Variants in SLC12A8 observed in about 807,000 individuals in gnomAD.
The protein encoded by SLC12A8 is solute carrier family 12 member 8.
Under a neutral mutation model 75.6 loss-of-function variants are expected in SLC12A8, and 69 were observed. The ratio of observed to expected loss-of-function variants is 0.91; its 90% CI spans 0.75 to 1.11. SLC12A8 has a LOEUF of 1.11. SLC12A8 is among the 50% of genes most tolerant of loss of function. The pLI is 0.00. For missense variants in SLC12A8, 877 were observed against 896.7 expected, an observed-to-expected ratio of 0.98 and a Z score of 0.28; for synonymous variants, 365 against 372.8, an observed-to-expected ratio of 0.98 and a Z score of 0.24.
At chr3:125,131,251 C>T (rs539436665) in intron 6 of SLC12A8, among the ~76,000 whole-genome samples, 2 of 152,200 alleles carry the variant, frequency 1.3e-5, no homozygotes, top group African/African-American at 2.4e-5. Flanking sequence ...AAGCCTAGGT[C>T]CTTAGAAGAT....
chr3:125,156,245 C>T (rs759146536), intron 5 of SLC12A8, among the ~76,000 whole-genome samples: 17 of 152,204 alleles, frequency 1.1e-4, no homozygotes, highest in Non-Finnish European at 1.9e-4. Context: ...GAAGGCATTT[C>T]GTCACTGAAT....
chr3:125,091,546 G>A lies in SLC12A8; in HGVS notation c.1814C>T (p.Ser605Phe), dbSNP rs745348418. ...PWVSLLGAVG[S>F]LLIMFVIQWV... ...CTGTATCACAAACATGATGAGAAGGGACCCAACAGCCTGTGAAAACAGAGT... is the reference window on the plus strand; with the variant it reads ...CTGTATCACAAACATGATGAGAAGGAACCCAACAGCCTGTGAAAACAGAGT... The change falls in exon 12 of 14, where the codon TCC (serine) becomes TTC (phenylalanine). Residue 605 changes from serine (S) to phenylalanine (F), a missense_variant. Coordinates refer to ENST00000469902, the MANE Select transcript of SLC12A8 (RefSeq NM_024628.6). 3 of 1,611,912 alleles carry A rather than the reference G, an allele frequency of 1.9e-6. No individual in the cohort carries two copies. The highest frequency in any genetic ancestry group is 1.7e-4 in the Middle Eastern group (1 of 6,052).
At position 125,118,785 on chromosome 3, in the gene SLC12A8, A is replaced by T; in HGVS notation, c.896T>A (p.Phe299Tyr). Residue 299 changes from phenylalanine (F) to tyrosine (Y), a missense_variant, in exon 8 of 14, where the codon TTC (phenylalanine) becomes TAC (tyrosine). By Grantham distance (22) the Phe-to-Tyr change is conservative. Transcript: ENST00000469902. ...ICTREALRYD[F>Y]LIAEKVSLMG... ...CTCACTCACCTTTTCCGCTATCAGG[A>T]AGTCATAGCGAAGGGCCTCTCGAGT... 6.2e-7 allele frequency: 1 copy of T among 1,613,414 alleles called. No individual in the cohort carries two copies.
At chr3:125,156,717 C>T (rs183734380) in intron 5 of SLC12A8, among the ~76,000 whole-genome samples, 9 of 152,210 alleles carry the variant, frequency 5.9e-5, no homozygotes. Context: ...CTCTACCCCA[C>T]CTCGACTGCA....
At chr3:125,179,059 T>C (rs901776781) in intron 4 of SLC12A8, among the ~76,000 whole-genome samples, 2 of 152,208 alleles carry the variant, frequency 1.3e-5, no homozygotes, top group Non-Finnish European at 2.9e-5. Context: ...TCTTCTCTCC[T>C]CAGGTTTGTC....
chr3:125,137,743 A>G (rs146624451), intron 5 of SLC12A8, among the ~76,000 whole-genome samples: 197 of 152,366 alleles, frequency 1.3e-3, no homozygotes, highest in African/African-American at 4.4e-3. Context: ...TTCAGGCCCA[A>G]TAGATGAGTC....
At chr3:125,120,790 T>C (rs749563677) in intron 6 of SLC12A8, 104 bp from the exon 7 acceptor site, 1 of 842,886 alleles carries the variant, frequency 1.2e-6, no homozygotes, top group Admixed American at 2.0e-5. Context: ...CTGGAAGCTG[T>C]CCCACCGCAA....
chr3:125,196,710 C>T (rs1348383817), intron 2 of SLC12A8, among the ~76,000 whole-genome samples: 1 of 152,194 alleles, frequency 6.6e-6, no homozygotes, highest in Non-Finnish European at 1.5e-5. Context: ...TGGATAATTG[C>T]TTGAGGCCAG....
rs774396530 is a variant in SLC12A8 at position 125,187,427 on chromosome 3, C to G, written c.200G>C (p.Gly67Ala). Residue 67 changes from glycine (G) to alanine (A), a missense_variant and splice_region_variant, in exon 4 of 14, where the codon GGA becomes GCA. By Grantham distance (60) the Gly-to-Ala change is moderately conservative (BLOSUM62 0). Coordinates refer to ENST00000469902, the MANE Select transcript of SLC12A8 (RefSeq NM_024628.6). The part of the protein sequence containing the change: ...VLFLRTGWLV[G>A]NTGVLLGMFL... ...CATGCCCAGGAGCACTCCTGTGTTT[C>G]CCTGCAGCAGAATAGCAAGGAGCAA... 6.2e-7 allele frequency: 1 copy of G among 1,613,824 alleles called. No individual in the cohort carries two copies. The highest frequency in any genetic ancestry group is 2.2e-5 in the East Asian group (1 of 44,854).
intron 2 of SLC12A8, among the ~76,000 whole-genome samples, chr3:125,193,163 G>A (rs1021164772): frequency 6.6e-6 from 1 of 152,162 alleles, no homozygotes; most frequent in African/African-American, 2.4e-5. Context: ...GAGGTCAGGG[G>A]TTTGAGACCA....
In SLC12A8 at chr3:125,187,335, G is replaced by A. The variant is rs778652006; in HGVS notation, c.292C>T (p.Arg98Cys). The A allele has an allele frequency of 3.1e-5, 50 of 1,614,186 alleles. No homozygotes were observed. The highest frequency in any genetic ancestry group is 1.3e-4 in the Admixed American group (8 of 60,020). The part of the protein sequence containing the change: ...TVLSGIGVGE[R>C]SSIGSGGVYS... ...ACGCCACCGCTGCCGATGCTGCTGC[G>A]CTCCCCGACGCCAATGCCAGACAGC... is the stretch of plus-strand genomic sequence containing the variant. Residue 98 changes from arginine (R) to cysteine (C), a missense_variant, in exon 4 of 14, where the codon CGC becomes TGC. Coordinates refer to ENST00000469902, the MANE Select transcript of SLC12A8 (RefSeq NM_024628.6).
At chr3:125,132,924 G>A (rs1933395938) in intron 6 of SLC12A8, among the ~76,000 whole-genome samples, 2 of 152,340 alleles carry the variant, frequency 1.3e-5, no homozygotes, top group East Asian at 1.9e-4. Context: ...AGCCTGCATC[G>A]TGGAAGGCAA....
chr3:125,112,911 A>C (rs1177981970), intron 8 of SLC12A8, among the ~76,000 whole-genome samples: 1 of 152,220 alleles, frequency 6.6e-6, no homozygotes, highest in Non-Finnish European at 1.5e-5. Flanking sequence ...GCCGATGTGG[A>C]GAACCCCTGG....
At chr3:125,204,161 T>G (rs80255290) in intron 2 of SLC12A8, among the ~76,000 whole-genome samples, 2,963 of 152,294 alleles carry the variant, frequency 0.019, 46 homozygotes, top group African/African-American at 0.042. Context: ...ACAGGCATTA[T>G]AGAAAACAAT....
At chr3:125,137,028 T>C (rs1933509417) in intron 5 of SLC12A8, among the ~76,000 whole-genome samples, 1 of 152,140 alleles carries the variant, frequency 6.6e-6, no homozygotes, top group Admixed American at 6.5e-5. Context: ...TCCCGTAGGA[T>C]GGGTATTCAG....
At chr3:125,155,074 T>A (rs1256851097) in intron 5 of SLC12A8, 1 of 152,206 alleles carries the variant, frequency 6.6e-6, no homozygotes, top group Non-Finnish European at 1.5e-5. Context: ...ATCATGCTAC[T>A]CAGAATGGCG....
rs116147514 is a variant in SLC12A8 at position 125,114,124 on chromosome 3, C to A, written c.913-3789G>T. Among the ~76,000 whole-genome samples the A allele has an allele frequency of 5.3e-3, 808 of 152,314 alleles. 3 individuals carry two copies. The highest frequency in any genetic ancestry group is 0.017 in the African/African-American group (720 of 41,554). On this transcript the variant is annotated intron_variant, in intron 8 of 13. Coordinates refer to ENST00000469902, the MANE Select transcript of SLC12A8 (RefSeq NM_024628.6). ...CCACGCTCCATGAATTGATCAACAT[C>A]TCAACTTTCAGTCAAGTTTTACCTC...
intron 10 of SLC12A8, among the ~76,000 whole-genome samples, chr3:125,099,469 A>G (rs1436509283): frequency 6.6e-6 from 1 of 152,238 alleles, no homozygotes; most frequent in African/African-American, 2.4e-5. Context: ...ACATCAAGTA[A>G]AAGAAACTAA....
At chr3:125,182,060 T>C (rs1934676120) in intron 4 of SLC12A8, among the ~76,000 whole-genome samples, 1 of 152,040 alleles carries the variant, frequency 6.6e-6, no homozygotes, top group African/African-American at 2.4e-5. Context: ...TGCAGTGGTT[T>C]ACGCCTATAA....
Sources: gnomAD v4.1 joint callset for allele counts (sites outside exome capture counted in the v4.1 genomes callset) on GRCh38, gnomAD v4.1.1 for gene constraint, MANE v1.5 for transcripts, NCBI Gene and HGNC (gene_info 2026-07-23, HGNC 2026-07-21) for gene names.